Variants in RERE observed in about 807,000 individuals in gnomAD.
RERE encodes arginine-glutamic acid dipeptide repeats protein.
Under a neutral mutation model 146.1 loss-of-function variants are expected in RERE, and 40 were observed. That is an observed-to-expected ratio of 0.27 (90% CI 0.21 to 0.36). RERE has a LOEUF of 0.36. RERE is among the 10% of genes least tolerant of loss of function. RERE has a pLI of 1.00. For missense variants in RERE, 1,933 were observed against 2,138.7 expected, an observed-to-expected ratio of 0.90 and a Z score of 1.90; for synonymous variants, 1,003 against 866.0, an observed-to-expected ratio of 1.16 and a Z score of -2.78.
intron 10 of RERE, among the ~76,000 whole-genome samples, chr1:8,482,918 A>C (rs867762666): frequency 4.6e-5 from 7 of 152,304 alleles, no homozygotes; most frequent in Admixed American, 6.5e-5. Context: ...TAATCAGCTG[A>C]AAAGGTCTTG....
intron 11 of RERE, among the ~76,000 whole-genome samples, chr1:8,439,998 C>T (rs1400982290): frequency 2.0e-5 from 3 of 151,764 alleles, no homozygotes; most frequent in Non-Finnish European, 4.4e-5. Flanking sequence ...TGCTTCAACC[C>T]GGGAGGCAGA....
chr1:8,448,536 A>G (rs1222181794), intron 11 of RERE, among the ~76,000 whole-genome samples: 1 of 152,210 alleles, frequency 6.6e-6, no homozygotes, highest in African/African-American at 2.4e-5. Context: ...AGGCGGGTGG[A>G]TCACGAAGTC....
chr1:8,586,835 C>G (rs2124084916), intron 4 of RERE, among the ~76,000 whole-genome samples: 1 of 152,228 alleles, frequency 6.6e-6, no homozygotes, highest in South Asian at 2.1e-4. Context: ...GAGAAAGCAG[C>G]TGGAATTGTC....
intron 4 of RERE, among the ~76,000 whole-genome samples, chr1:8,600,616 G>GT (rs1384421459): frequency 3.9e-5 from 6 of 152,088 alleles, no homozygotes; most frequent in African/African-American, 1.4e-4. Context: ...AGATCAGAAA[G>GT]TCCCCCACCT....
In RERE at chr1:8,629,781, A is replaced by T. The variant is rs199549703; in HGVS notation, c.326-5401T>A. Among the ~76,000 whole-genome samples, 5 of 152,060 alleles carry T rather than the reference A, an allele frequency of 3.3e-5. No homozygotes were observed. The East Asian group carries it at 7.7e-4, about 23-fold the overall frequency. On this transcript the variant is annotated intron_variant, in intron 2 of 22. Coordinates refer to ENST00000400908, the MANE Select transcript of RERE (RefSeq NM_001042681.2). ...CAGCCACTGCTCCACCTCATAAAGA[A>T]TTTTCCTTTCCATCAATGTGTCTCC...
chr1:8,487,583 A>T (rs1425651086), intron 10 of RERE, among the ~76,000 whole-genome samples: 1 of 152,144 alleles, frequency 6.6e-6, no homozygotes, highest in Non-Finnish European at 1.5e-5. Flanking sequence ...AAACAAACAA[A>T]TACAACAAAA....
intron 1 of RERE, among the ~76,000 whole-genome samples, chr1:8,709,282 TA>T (rs1450706704): frequency 7.1e-6 from 1 of 140,932 alleles, no homozygotes; most frequent in Non-Finnish European, 1.5e-5. Flanking sequence ...TTAGATTTTT[TA>T]ATTTTTTTTT....
intron 11 of RERE, among the ~76,000 whole-genome samples, chr1:8,440,300 T>C (rs1323980961): frequency 6.6e-6 from 1 of 152,058 alleles, no homozygotes; most frequent in Non-Finnish European, 1.5e-5. Context: ...TGACTCCTTC[T>C]AAAAATGGTT....
chr1:8,416,584 T>TC (rs1284528697), intron 12 of RERE, among the ~76,000 whole-genome samples: 1 of 53,094 alleles, frequency 1.9e-5, no homozygotes, highest in African/African-American at 7.8e-5. Flanking sequence ...AGACTCCATC[T>TC]CCAAAAAAAA....
intron 12 of RERE, among the ~76,000 whole-genome samples, chr1:8,402,170 G>A (rs183213590): frequency 6.6e-6 from 1 of 152,262 alleles, no homozygotes; most frequent in East Asian, 1.9e-4. Context: ...CCCGGCCAAC[G>A]CTGTGTAACT....
chr1:8,789,301 A>AATATATATATATATATATATATATAT (rs1553149622), intron 1 of RERE, among the ~76,000 whole-genome samples: 1 of 24,812 alleles, frequency 4.0e-5, no homozygotes, highest in African/African-American at 2.3e-4. Context: ...AAAAAAAAAA[A>AATATATATATATATATATATATATAT]ATATATATAT....
intron 12 of RERE, among the ~76,000 whole-genome samples, chr1:8,401,570 G>A (rs1213118941): frequency 6.6e-6 from 1 of 152,016 alleles, no homozygotes; most frequent in Non-Finnish European, 1.5e-5. Flanking sequence ...GGCCAGCCTG[G>A]GCAACAGAGA....
intron 16 of RERE, among the ~76,000 whole-genome samples, chr1:8,362,355 G>A (rs1204136022): frequency 1.3e-5 from 2 of 152,184 alleles, no homozygotes; most frequent in East Asian, 3.9e-4. Context: ...ATCCTGGGCG[G>A]TGGAGGCTCT....
At chr1:8,745,224 A>G in intron 1 of RERE, among the ~76,000 whole-genome samples, 1 of 152,112 alleles carries the variant, frequency 6.6e-6, no homozygotes, top group East Asian at 1.9e-4. Context: ...GGGATTTATA[A>G]GGGGCTCTTC....
At chr1:8,480,135 T>G (rs922349216) in intron 10 of RERE, among the ~76,000 whole-genome samples, 6 of 100,602 alleles carry the variant, frequency 6.0e-5, no homozygotes, top group South Asian at 2.9e-4. Flanking sequence ...TTTGTTTTTT[T>G]TTTTTTTGTT....
At chr1:8,403,385 G>C (rs1557613268) in intron 12 of RERE, among the ~76,000 whole-genome samples, 1 of 149,558 alleles carries the variant, frequency 6.7e-6, no homozygotes, top group South Asian at 2.1e-4. Flanking sequence ...CTGTTTACTT[G>C]TCCTTCTTTT....
chr1:8,359,028 C>G (rs1324616252), intron 19 of RERE, 112 bp from the exon 20 acceptor site: 1 of 1,309,370 alleles, frequency 7.6e-7, no homozygotes, highest in South Asian at 1.6e-5. Context: ...GACAGGCCAA[C>G]CTGGTCCCTC....
At chr1:8,619,353 A>C (rs368883460) in intron 3 of RERE, among the ~76,000 whole-genome samples, 4 of 152,236 alleles carry the variant, frequency 2.6e-5, no homozygotes, top group African/African-American at 9.6e-5. Context: ...ACAATTTTCC[A>C]AGTTTTAATA....
rs1436846800 is a variant in RERE, at chr1:8,602,472, T to G, written c.522+12089A>C. On this transcript the variant is annotated intron_variant, in intron 4 of 22. Coordinates refer to ENST00000400908, the MANE Select transcript of RERE (RefSeq NM_001042681.2). Reference sequence around the variant, plus strand: ...GAAAATTTATATGCATGTATATGTTTTATAAGTTATAGAAGCCCATAAGAA... The same window carrying G: ...GAAAATTTATATGCATGTATATGTTGTATAAGTTATAGAAGCCCATAAGAA... 2.0e-5 allele frequency among the ~76,000 whole-genome samples: 3 copies of G among 151,674 alleles called. No individual in the cohort carries two copies. In the South Asian group the frequency reaches 6.3e-4, roughly 32 times the overall value.
Sources: gnomAD v4.1 joint callset for allele counts (sites outside exome capture counted in the v4.1 genomes callset) on GRCh38, gnomAD v4.1.1 for gene constraint, MANE v1.5 for transcripts, NCBI Gene and HGNC (gene_info 2026-07-23, HGNC 2026-07-21) for gene names.